CACNA1C: variants seen among roughly 807,000 people sequenced by gnomAD.
CACNA1C encodes the protein voltage-dependent L-type calcium channel subunit alpha-1C.
In CACNA1C, 30 loss-of-function variants were observed where a neutral mutation model predicts 229.0. That is an observed-to-expected ratio of 0.13 (90% confidence interval 0.10 to 0.18). CACNA1C has a LOEUF of 0.18. Among genes scored for constraint, CACNA1C ranks in the 10% least tolerant of loss-of-function variants. The pLI is 1.00. For missense variants in CACNA1C, 1,658 were observed against 2,845.0 expected (o/e 0.58, Z 9.49); for synonymous variants, 1,114 against 1,132.5 (o/e 0.98, Z 0.33).
At chr12:2,123,113 A>C (rs918026416) in intron 3 of CACNA1C, among the ~76,000 whole-genome samples, 3 of 152,214 alleles carry the variant, frequency 2.0e-5, no homozygotes, top group Non-Finnish European at 4.4e-5. Context: ...GCAGTGGCCC[A>C]TGCCTGTAAT....
chr12:2,417,729 G>C (rs564302669), intron 3 of CACNA1C, among the ~76,000 whole-genome samples: 1 of 152,082 alleles, frequency 6.6e-6, no homozygotes, highest in Non-Finnish European at 1.5e-5. Flanking sequence ...CCTTGAAAAG[G>C]CCCTTGAGAA....
intron 18 of CACNA1C, among the ~76,000 whole-genome samples, chr12:2,590,901 C>T (rs2064986023): frequency 6.6e-6 from 1 of 152,210 alleles, no homozygotes; most frequent in Non-Finnish European, 1.5e-5. Flanking sequence ...AGATCCTTCT[C>T]AATTAAATTT....
In CACNA1C at chr12:2,191,223, A is replaced by G. The variant is rs184488317; in HGVS notation, c.477+70793A>G. ...AGAGCAGGGGCATGAGAAGAGCAGCAACCCAAGCAAGGAAGAGGAAAAGGC... is the reference window on the plus strand; with the variant it reads ...AGAGCAGGGGCATGAGAAGAGCAGCGACCCAAGCAAGGAAGAGGAAAAGGC... On this transcript the variant is annotated intron_variant, in intron 3 of 46. Coordinates refer to ENST00000399655, the MANE Select transcript of CACNA1C (RefSeq NM_000719.7). Among the ~76,000 whole-genome samples the G allele has an allele frequency of 3.9e-5, 6 of 152,268 alleles. No individual in the cohort carries two copies. The East Asian group carries it at 1.2e-3, about 29-fold the overall frequency.
intron 31 of CACNA1C, among the ~76,000 whole-genome samples, chr12:2,650,068 C>G (rs1191888788): frequency 1.3e-5 from 2 of 152,208 alleles, no homozygotes; most frequent in Non-Finnish European, 2.9e-5. Context: ...CGAGTCCCAC[C>G]TGTCTGTCCC....
chr12:2,655,876 AT>A, intron 34 of CACNA1C, among the ~76,000 whole-genome samples: 1 of 152,358 alleles, frequency 6.6e-6, no homozygotes, highest in East Asian at 1.9e-4. Context: ...CAGAAAAAGC[AT>A]TTGACAAAAT....
At chr12:2,264,379 T>G (rs1407683952) in intron 3 of CACNA1C, among the ~76,000 whole-genome samples, 1 of 152,176 alleles carries the variant, frequency 6.6e-6, no homozygotes, top group Non-Finnish European at 1.5e-5. Context: ...AGCCCTTGAT[T>G]AGACCTGCAG....
chr12:2,184,168 G>A (rs1318163988), intron 3 of CACNA1C, among the ~76,000 whole-genome samples: 6 of 152,252 alleles, frequency 3.9e-5, no homozygotes, highest in Admixed American at 3.3e-4. Context: ...GGATTTTCAG[G>A]TGTGCGTGTT....
intron 3 of CACNA1C, among the ~76,000 whole-genome samples, chr12:2,228,187 C>T (rs1357309469): frequency 6.6e-6 from 1 of 152,156 alleles, no homozygotes; most frequent in African/African-American, 2.4e-5. Flanking sequence ...GATGTTTTCC[C>T]ACACCTTACA....
At position 2,597,324 on chromosome 12, in the gene CACNA1C, C is replaced by A; in HGVS notation, c.2853+35C>A. On this transcript the variant is annotated intron_variant, in intron 21 of 46. Coordinates refer to ENST00000399655, the MANE Select transcript of CACNA1C (RefSeq NM_000719.7). The surrounding 1 kb of genome is among the most constrained non-coding windows in gnomAD (Gnocchi z 4.3). Reference sequence around the variant, plus strand: ...CCATCCCCTTCTGCTCCTCCTGTCCCCCTTGTGCCAGCACCAGGTCTCTGC... The same window carrying A: ...CCATCCCCTTCTGCTCCTCCTGTCCACCTTGTGCCAGCACCAGGTCTCTGC... 1 of 1,558,222 alleles carries A rather than the reference C, an allele frequency of 6.4e-7. No homozygotes were observed. Among genetic ancestry groups the A allele is most frequent in the Non-Finnish European group, 8.9e-7 (1 of 1,129,334 alleles).
chr12:2,177,587 C>CCCTCCCTCCCTCCTT (rs750852324), intron 3 of CACNA1C, among the ~76,000 whole-genome samples: 48 of 78,522 alleles, frequency 6.1e-4, no homozygotes, highest in African/African-American at 9.0e-4. Flanking sequence ...CTCCCTCCCT[C>CCCTCCCTCCCTCCTT]CCTTCCTTCC....
intron 5 of CACNA1C, among the ~76,000 whole-genome samples, chr12:2,476,732 C>T (rs1168530315): frequency 1.3e-5 from 2 of 152,166 alleles, no homozygotes; most frequent in Non-Finnish European, 2.9e-5. Flanking sequence ...ACCAGTTACC[C>T]ACCATCCCTT....
chr12:2,616,882 C>G (rs2080902310), intron 29 of CACNA1C, among the ~76,000 whole-genome samples: 1 of 152,266 alleles, frequency 6.6e-6, no homozygotes, highest in African/African-American at 2.4e-5. Flanking sequence ...CGCCCTTGCC[C>G]TGCACGCTGG....
At chr12:2,409,763 C>A (rs191698279) in intron 3 of CACNA1C, among the ~76,000 whole-genome samples, 178 of 152,352 alleles carry the variant, frequency 1.2e-3, no homozygotes, top group Non-Finnish European at 2.1e-3. Flanking sequence ...AGGCAAGTAC[C>A]TGTGCTCCCT....
At chr12:2,094,840 G>A (rs967947698) in intron 1 of CACNA1C, among the ~76,000 whole-genome samples, 1 of 152,192 alleles carries the variant, frequency 6.6e-6, no homozygotes, top group Non-Finnish European at 1.5e-5. Flanking sequence ...GCCTACAAGG[G>A]CCTTCCAGGT....
Position 2,537,801 on chromosome 12 carries a change from G to A in CACNA1C, c.1391-12142G>A, listed in dbSNP as rs376188872. On this transcript the variant is annotated intron_variant, in intron 9 of 46. Coordinates refer to ENST00000399655, the MANE Select transcript of CACNA1C (RefSeq NM_000719.7). ...CTGTGTTTTCCCCTTGGAGTGTCTCGCCCTCCTGTGTGGTCAGATAGCCTG... is the reference window on the plus strand; with the variant it reads ...CTGTGTTTTCCCCTTGGAGTGTCTCACCCTCCTGTGTGGTCAGATAGCCTG... Among the ~76,000 whole-genome samples, 28 of 151,914 alleles carry A rather than the reference G, an allele frequency of 1.8e-4. No individual in the cohort carries two copies. The South Asian group carries it at 5.6e-3, about 30-fold the overall frequency.
chr12:2,172,641 G>A (rs747308260), intron 3 of CACNA1C, among the ~76,000 whole-genome samples: 1 of 152,194 alleles, frequency 6.6e-6, no homozygotes, highest in Admixed American at 6.5e-5. Flanking sequence ...TCTTTCTCTT[G>A]TCTTTATCTC....
intron 3 of CACNA1C, among the ~76,000 whole-genome samples, chr12:2,239,875 A>C (rs2069141018): frequency 6.6e-6 from 1 of 152,218 alleles, no homozygotes; most frequent in South Asian, 2.1e-4. Context: ...GGGCTGGCCC[A>C]CGTGATGGCC....
At chr12:2,004,332 C>A in intron 1 of CACNA1C, 3 of 1,613,426 alleles carry the variant, frequency 1.9e-6, no homozygotes, top group Non-Finnish European at 2.5e-6. Context: ...TGGCTGGCCA[C>A]GTCCACGATG....
intron 3 of CACNA1C, among the ~76,000 whole-genome samples, chr12:2,397,255 G>A (rs758780593): frequency 2.0e-4 from 30 of 152,328 alleles, no homozygotes; most frequent in Non-Finnish European, 3.7e-4. Context: ...AACAGGTATT[G>A]GGTTTTGTTT....
Sources: allele counts gnomAD v4.1 joint callset (sites outside exome capture counted in the v4.1 genomes callset), GRCh38; gene constraint gnomAD v4.1.1; non-coding constraint Gnocchi (gnomAD v3.1); transcripts MANE v1.5; gene names NCBI Gene and HGNC (gene_info 2026-07-23, HGNC 2026-07-21).